Variants in PKP1 observed in about 807,000 individuals in gnomAD.
The protein encoded by PKP1 is plakophilin 1.
A neutral mutation model predicts 76.4 loss-of-function variants in PKP1; 27 were observed. The ratio of observed to expected loss-of-function variants is 0.35; its 90% CI spans 0.26 to 0.49. PKP1 has a LOEUF of 0.49. Ranked by LOEUF, PKP1 falls within the 20% of genes least tolerant of loss-of-function variation. PKP1 has a pLI of 0.99. For missense variants in PKP1, 964 were observed against 955.2 expected, an observed-to-expected ratio of 1.01 and a Z score of -0.12; for synonymous variants, 404 against 384.2, an observed-to-expected ratio of 1.05 and a Z score of -0.60.
chr1:201,313,492 C>A lies in PKP1; in HGVS notation c.633C>A (p.Asp211Glu). 1 of 1,613,936 alleles carries A rather than the reference C, an allele frequency of 6.2e-7. No homozygotes were observed. The highest frequency in any genetic ancestry group is 1.3e-5 in the African/African-American group (1 of 75,026). ...CGCCCTCTTGTGCCTCCAAGCAGGA[C>A]CCTGTGTATATCCCGCCCATCTCCT... Reference protein sequence around the residue: ...VRPPSCASKQDPVYIPPISCN... With the variant: ...VRPPSCASKQEPVYIPPISCN... Residue 211 changes from aspartate to glutamate, a missense_variant, in exon 3 of 14, where the codon GAC becomes GAA. By Grantham distance (45) the Asp-to-Glu change is conservative. Coordinates refer to ENST00000367324, the MANE Select transcript of PKP1 (RefSeq NM_001005337.3).
chr1:201,320,115 C>T (rs999392460), intron 6 of PKP1, 152 bp from the exon 7 acceptor site: 1 of 700,850 alleles, frequency 1.4e-6, no homozygotes, highest in East Asian at 2.7e-5. Flanking sequence ...TCTACCACAA[C>T]TTCCAATCTC....
In PKP1 at chr1:201,332,630, GC is replaced by G. The variant is rs1657367162; in HGVS notation, c.*2590del. 2 of 143,388 alleles carry G rather than the reference GC, an allele frequency of 1.4e-5. No homozygotes were observed. Among genetic ancestry groups the G allele is most frequent in the South Asian group, 4.4e-4 (2 of 4,576 alleles). 8.9% of individuals were successfully genotyped at this position (143,388 alleles called of 1,614,324 possible). A position where few individuals can be genotyped will look rare whatever the true frequency, so the allele number is the denominator to read the frequency against. On this transcript the variant is annotated 3_prime_UTR_variant, in exon 14 of 14. Transcript: ENST00000367324. Reference sequence around the variant, plus strand: ...CTCTGCCCTGGGATCTCCTGTGCTAGCGGCCAATGACAAATCCAGTCATTGG... The same window carrying G: ...CTCTGCCCTGGGATCTCCTGTGCTAGGGCCAATGACAAATCCAGTCATTGG...
intron 5 of PKP1, among the ~76,000 whole-genome samples, chr1:201,318,413 T>G (rs1215398292): frequency 1.3e-5 from 2 of 152,256 alleles, no homozygotes; most frequent in Non-Finnish European, 2.9e-5. Flanking sequence ...AGATGTTCCC[T>G]GCCTGCAAAG....
At chr1:201,291,530 G>A (rs1200095610) in intron 1 of PKP1, among the ~76,000 whole-genome samples, 1 of 152,158 alleles carries the variant, frequency 6.6e-6, no homozygotes, top group Non-Finnish European at 1.5e-5. Context: ...ATGACCCATG[G>A]GGAGAGCAGC....
chr1:201,303,512 T>G (rs1656293228), intron 2 of PKP1, among the ~76,000 whole-genome samples: 1 of 152,234 alleles, frequency 6.6e-6, no homozygotes. Flanking sequence ...AAATGAAGGC[T>G]AACCACAACC....
intron 2 of PKP1, among the ~76,000 whole-genome samples, chr1:201,296,417 G>A (rs1656071077): frequency 6.6e-6 from 1 of 152,200 alleles, no homozygotes. Flanking sequence ...CTCCCCTCTG[G>A]TGAAACCAAT....
intron 3 of PKP1, 32 bp downstream of exon 3, chr1:201,313,592 G>A (rs1343569861): frequency 1.2e-5 from 20 of 1,601,284 alleles, no homozygotes; most frequent in Non-Finnish European, 1.6e-5. Context: ...TGGGGAGCCA[G>A]GAGGGCCAGT....
rs1159544762 is a variant in PKP1 at position 201,332,117 on chromosome 1, C to G, written c.*2076C>G. The G allele has an allele frequency of 6.6e-6, 1 of 152,408 alleles. No individual in the cohort carries two copies. The highest frequency in any genetic ancestry group is 1.9e-4 in the East Asian group (1 of 5,202). The allele number at this position is 152,408 out of a possible 1,614,324, so 9.4% of individuals were successfully genotyped here. On this transcript the variant is annotated 3_prime_UTR_variant, in exon 14 of 14. Transcript: ENST00000367324. ...CACAAGTCCTTGGCTTTAGGGCTCC[C>G]CCGGCTGGGGGCTGTGCAGTCCGGT...
chr1:201,300,767 G>A (rs2284438), intron 2 of PKP1, among the ~76,000 whole-genome samples: 77,216 of 152,078 alleles, frequency 0.51, 22,790 homozygotes, highest in East Asian at 0.73. Flanking sequence ...AGGAGGACAC[G>A]GTTCCAGTGA....
intron 1 of PKP1, among the ~76,000 whole-genome samples, chr1:201,293,301 ACT>A (rs1196539108): frequency 2.0e-5 from 3 of 151,952 alleles, no homozygotes; most frequent in Non-Finnish European, 4.4e-5. Context: ...CCCTAATGAC[ACT>A]CTGTCCTCCT....
At chr1:201,308,790 C>T (rs771745822) in intron 2 of PKP1, among the ~76,000 whole-genome samples, 6 of 151,874 alleles carry the variant, frequency 4.0e-5, no homozygotes, top group South Asian at 2.1e-4. Context: ...TTCTCCAGCA[C>T]GGCAAGAGCT....
At chr1:201,329,237 C>T (rs1434356829) in intron 13 of PKP1, among the ~76,000 whole-genome samples, 3 of 152,174 alleles carry the variant, frequency 2.0e-5, no homozygotes, top group Non-Finnish European at 4.4e-5. Flanking sequence ...TGGCCATACA[C>T]AGCTCACTTT....
rs550081978 is a variant in PKP1 at position 201,288,583 on chromosome 1, C to T, written c.202+4679C>T. Among the ~76,000 whole-genome samples the T allele has an allele frequency of 1.3e-4, 20 of 152,290 alleles. No homozygotes were observed. The South Asian group carries it at 4.1e-3, about 32-fold the overall frequency. ...GTCCCTGTCCTTCACTCACACAGAT[C>T]CAGCATGGGGGAGCACCCCTATACA... On this transcript the variant is annotated intron_variant, in intron 1 of 13. Transcript: ENST00000367324.
chr1:201,314,363 G>A lies in PKP1; in HGVS notation c.701+803G>A, dbSNP rs372699281. On this transcript the variant is annotated intron_variant, in intron 3 of 13. Coordinates refer to ENST00000367324, the MANE Select transcript of PKP1 (RefSeq NM_001005337.3). ...TGTAGTCCCAGCTACTCAGAAGGCT[G>A]AGGCAAGAGAATCACTTAAGCCCGG... Among the ~76,000 whole-genome samples the A allele has an allele frequency of 7.9e-5, 12 of 152,346 alleles. 1 individual carries two copies. The highest frequency in any genetic ancestry group is 2.9e-4 in the African/African-American group (12 of 41,584).
At chr1:201,321,269 T>A (rs1656930959) in intron 7 of PKP1, among the ~76,000 whole-genome samples, 1 of 152,192 alleles carries the variant, frequency 6.6e-6, no homozygotes, top group Non-Finnish European at 1.5e-5. Flanking sequence ...CTCCAACACC[T>A]GTGTAACCCC....
intron 1 of PKP1, among the ~76,000 whole-genome samples, chr1:201,286,336 C>G (rs1475920208): frequency 6.6e-6 from 1 of 152,150 alleles, no homozygotes; most frequent in Non-Finnish European, 1.5e-5. Context: ...CAAAGTTTCC[C>G]TAGTTAAGAA....
At chr1:201,286,301 C>T (rs1320399705) in intron 1 of PKP1, among the ~76,000 whole-genome samples, 1 of 152,136 alleles carries the variant, frequency 6.6e-6, no homozygotes, top group East Asian at 1.9e-4. Flanking sequence ...TACCTAGGGT[C>T]TTCTTGAGCC....
chr1:201,293,567 A>C (rs1290884918), intron 1 of PKP1, among the ~76,000 whole-genome samples: 1 of 152,134 alleles, frequency 6.6e-6, no homozygotes, highest in Non-Finnish European at 1.5e-5. Flanking sequence ...CTGAGTGGGA[A>C]TCTTATCCTT....
rs1657353185 is a variant in PKP1 at position 201,332,357 on chromosome 1, A to G, written c.*2316A>G. The G allele has an allele frequency of 6.6e-6, 1 of 152,200 alleles. No individual in the cohort carries two copies. Among genetic ancestry groups the G allele is most frequent in the Admixed American group, 6.5e-5 (1 of 15,274 alleles). 9.4% of individuals were successfully genotyped at this position (152,200 alleles called of 1,614,324 possible). ...GAGGCAGACTATTAGGGCAGGGCTGACTTTGGTGACACTGCCCATTCCCTC... is the reference window on the plus strand; with the variant it reads ...GAGGCAGACTATTAGGGCAGGGCTGGCTTTGGTGACACTGCCCATTCCCTC... On this transcript the variant is annotated 3_prime_UTR_variant, in exon 14 of 14. Transcript: ENST00000367324.
Sources: allele counts gnomAD v4.1 joint callset (sites outside exome capture counted in the v4.1 genomes callset), GRCh38; gene constraint gnomAD v4.1.1; transcripts MANE v1.5; gene names NCBI Gene and HGNC (gene_info 2026-07-23, HGNC 2026-07-21).